SH3RF3: variants seen among roughly 807,000 people sequenced by gnomAD.
SH3RF3 encodes the protein E3 ubiquitin-protein ligase SH3RF3.
In SH3RF3, 29 loss-of-function variants were observed where a neutral mutation model predicts 66.3. The ratio of observed to expected loss-of-function variants is 0.44; its 90% CI spans 0.33 to 0.60. The LOEUF is 0.60. Ranked by LOEUF, SH3RF3 falls within the 20% of genes least tolerant of loss-of-function variation. The probability of loss-of-function intolerance (pLI) is 0.04; values close to 1 mark genes in which losing one functional copy is unlikely to be tolerated. For missense variants in SH3RF3, 1,194 were observed against 1,190.9 expected, an observed-to-expected ratio of 1.00 and a Z score of -0.04; for synonymous variants, 583 against 532.0, an observed-to-expected ratio of 1.10 and a Z score of -1.32.
chr2:109,258,053 C>CTT, intron 1 of SH3RF3, among the ~76,000 whole-genome samples: 1 of 152,188 alleles, frequency 6.6e-6, no homozygotes, highest in African/African-American at 2.4e-5. Context: ...TGCTGACCCT[C>CTT]ACAGCCCTGC....
chr2:109,285,538 G>T (rs1457515318), intron 1 of SH3RF3, among the ~76,000 whole-genome samples: 4 of 152,186 alleles, frequency 2.6e-5, no homozygotes, highest in Non-Finnish European at 4.4e-5. Context: ...GCAATCGCTT[G>T]CCTGGCGGTG....
At chr2:109,238,802 A>G (rs1220736886) in intron 1 of SH3RF3, among the ~76,000 whole-genome samples, 1 of 151,950 alleles carries the variant, frequency 6.6e-6, no homozygotes, top group Non-Finnish European at 1.5e-5. Context: ...CCCTGATGAA[A>G]CCCGGCGAGG....
At chr2:109,293,533 G>C (rs2105372739) in intron 1 of SH3RF3, among the ~76,000 whole-genome samples, 1 of 152,328 alleles carries the variant, frequency 6.6e-6, no homozygotes, top group Non-Finnish European at 1.5e-5. Context: ...GTCATCCTCT[G>C]TCCCCTGCAT....
intron 1 of SH3RF3, among the ~76,000 whole-genome samples, chr2:109,207,872 T>C (rs186666673): frequency 1.8e-4 from 27 of 152,324 alleles, no homozygotes; most frequent in Admixed American, 1.6e-3. Flanking sequence ...ATTTAACAAA[T>C]TGGCCTATGG....
intron 1 of SH3RF3, among the ~76,000 whole-genome samples, chr2:109,289,546 A>G (rs1681115751): frequency 6.6e-6 from 1 of 152,192 alleles, no homozygotes; most frequent in African/African-American, 2.4e-5. Context: ...GATCTTAGCA[A>G]TTATGGGGAC....
At chr2:109,312,946 T>A (rs1370527938) in intron 1 of SH3RF3, among the ~76,000 whole-genome samples, 1 of 152,194 alleles carries the variant, frequency 6.6e-6, no homozygotes, top group Non-Finnish European at 1.5e-5. Flanking sequence ...AGCCGCCCTA[T>A]GTTTTCCACA....
intron 1 of SH3RF3, among the ~76,000 whole-genome samples, chr2:109,341,415 G>A (rs1682551181): frequency 6.6e-6 from 1 of 152,222 alleles, no homozygotes; most frequent in African/African-American, 2.4e-5. Flanking sequence ...TGAGTTGAAA[G>A]TGCTTTTCAA....
intron 1 of SH3RF3, among the ~76,000 whole-genome samples, chr2:109,295,833 G>A (rs1031616708): frequency 1.3e-5 from 2 of 152,158 alleles, no homozygotes; most frequent in Non-Finnish European, 2.9e-5. Context: ...CTCCCTGCAC[G>A]GGCATCTCTG....
At chr2:109,265,495 C>T (rs1220745937) in intron 1 of SH3RF3, among the ~76,000 whole-genome samples, 1 of 152,222 alleles carries the variant, frequency 6.6e-6, no homozygotes, top group Non-Finnish European at 1.5e-5. Context: ...CAGTGGCACC[C>T]TGCTGCCCAC....
chr2:109,423,305 C>G (rs1382028639), intron 5 of SH3RF3, among the ~76,000 whole-genome samples: 1 of 152,170 alleles, frequency 6.6e-6, no homozygotes, highest in Non-Finnish European at 1.5e-5. Flanking sequence ...GTGGTTGACA[C>G]TGGTCATGTG....
intron 4 of SH3RF3, among the ~76,000 whole-genome samples, chr2:109,411,616 T>G (rs1273184587): frequency 6.6e-6 from 1 of 152,152 alleles, no homozygotes; most frequent in African/African-American, 2.4e-5. Context: ...TACTTTTAGT[T>G]TTCATATCCC....
chr2:109,199,597 T>TCAACGCGAGTGCA (rs1558953918), intron 1 of SH3RF3, among the ~76,000 whole-genome samples: 1 of 274 alleles, frequency 3.6e-3, no homozygotes, highest in Non-Finnish European at 6.8e-3. Context: ...TGGAATGGAA[T>TCAACGCGAGTGCA]GGAATGGAAT....
At chr2:109,236,267 C>T (rs1020757430) in intron 1 of SH3RF3, among the ~76,000 whole-genome samples, 5 of 152,178 alleles carry the variant, frequency 3.3e-5, no homozygotes, top group Non-Finnish European at 5.9e-5. Context: ...AAATTCCCCT[C>T]GGTCCTAAAG....
intron 3 of SH3RF3, among the ~76,000 whole-genome samples, chr2:109,387,288 C>T (rs1675848147): frequency 6.6e-6 from 1 of 152,202 alleles, no homozygotes; most frequent in South Asian, 2.1e-4. Flanking sequence ...AACCTTTTCT[C>T]AGCGCCAGGG....
intron 1 of SH3RF3, among the ~76,000 whole-genome samples, chr2:109,183,140 G>T (rs1391875163): frequency 1.3e-5 from 2 of 152,202 alleles, no homozygotes; most frequent in Admixed American, 1.3e-4. Context: ...AAACTGTCCA[G>T]CACTGTCCAA....
chr2:109,143,679 A>G (rs547403895), intron 1 of SH3RF3, among the ~76,000 whole-genome samples: 127 of 152,206 alleles, frequency 8.3e-4, no homozygotes, highest in African/African-American at 2.7e-3. Flanking sequence ...TCTTAAGCCC[A>G]GGAGGTTGAG....
intron 8 of SH3RF3, among the ~76,000 whole-genome samples, chr2:109,461,224 C>A (rs920925452): frequency 6.6e-6 from 1 of 152,246 alleles, no homozygotes; most frequent in Non-Finnish European, 1.5e-5. Context: ...TCAGATAACA[C>A]CAGTTCACAG....
chr2:109,157,352 T>A (rs1352969451), intron 1 of SH3RF3, among the ~76,000 whole-genome samples: 2 of 152,240 alleles, frequency 1.3e-5, no homozygotes, highest in African/African-American at 4.8e-5. Context: ...ATTACAAATA[T>A]TGCATTCGCT....
At chr2:109,312,158 A>G (rs1344846016) in intron 1 of SH3RF3, among the ~76,000 whole-genome samples, 3 of 152,098 alleles carry the variant, frequency 2.0e-5, no homozygotes, top group African/African-American at 7.2e-5. Flanking sequence ...TTATTTCAGA[A>G]CTCCAAATCT....
Sources: allele counts gnomAD v4.1 joint callset (sites outside exome capture counted in the v4.1 genomes callset), GRCh38; gene constraint gnomAD v4.1.1; transcripts MANE v1.5; gene names NCBI Gene and HGNC (gene_info 2026-07-23, HGNC 2026-07-21).